PTPRG: variants seen among roughly 807,000 people sequenced by gnomAD.
PTPRG encodes receptor-type tyrosine-protein phosphatase gamma.
PTPRG carries 102 observed loss-of-function variants against 165.3 expected under a neutral mutation model. The ratio of observed to expected loss-of-function variants is 0.62; its 90% CI spans 0.53 to 0.73. PTPRG has a LOEUF of 0.73. Ranked by LOEUF, PTPRG falls within the 30% of genes least tolerant of loss-of-function variation. PTPRG has a pLI of 0.00. For synonymous variants in PTPRG, 675 were observed against 669.5 expected, an observed-to-expected ratio of 1.01 and a Z score of -0.13; for missense variants, 1,866 against 1,861.4, an observed-to-expected ratio of 1.00 and a Z score of -0.05.
intron 4 of PTPRG, among the ~76,000 whole-genome samples, chr3:62,056,651 G>A (rs1168025741): frequency 6.6e-6 from 1 of 152,160 alleles, no homozygotes; most frequent in Admixed American, 6.5e-5. Context: ...ATAGATGCCA[G>A]TGGCACCCCT....
In PTPRG at chr3:61,923,859, C is replaced by T. The variant is rs561862995; in HGVS notation, c.191-65766C>T. The stretch of plus-strand genomic sequence containing the variant: ...CTTTGTTGGTTTTTCTATCACTATG[C>T]TATTATGCTATAAAATATAGTAAAG... On this transcript the variant is annotated intron_variant, in intron 2 of 29. Transcript: ENST00000474889. Among the ~76,000 whole-genome samples the T allele has an allele frequency of 5.3e-5, 8 of 151,754 alleles. 1 individual carries two copies. In the East Asian group the frequency reaches 1.6e-3, roughly 29 times the overall value.
intron 5 of PTPRG, among the ~76,000 whole-genome samples, chr3:62,121,115 T>G (rs1703053658): frequency 6.6e-6 from 1 of 151,442 alleles, no homozygotes; most frequent in South Asian, 2.1e-4. Flanking sequence ...GGCTAATTTT[T>G]TTTTTTTTTT....
chr3:62,094,054 C>T (rs1702030430), intron 5 of PTPRG, among the ~76,000 whole-genome samples: 1 of 152,168 alleles, frequency 6.6e-6, no homozygotes, highest in African/African-American at 2.4e-5. Context: ...TGCTTTGATG[C>T]CTCAAACCTG....
intron 2 of PTPRG, among the ~76,000 whole-genome samples, chr3:61,927,343 G>T (rs1304221562): frequency 2.0e-5 from 3 of 152,216 alleles, no homozygotes; most frequent in Admixed American, 6.5e-5. Flanking sequence ...AGTCTTCTTT[G>T]TGTGACATTT....
chr3:62,272,719 T>A (rs1381404786), intron 21 of PTPRG, among the ~76,000 whole-genome samples: 1 of 152,084 alleles, frequency 6.6e-6, no homozygotes, highest in African/African-American at 2.4e-5. Flanking sequence ...ACATCTGTAA[T>A]CCCAGCTACT....
chr3:61,603,616 A>G (rs1480522190), intron 1 of PTPRG, among the ~76,000 whole-genome samples: 2 of 152,166 alleles, frequency 1.3e-5, no homozygotes, highest in East Asian at 3.9e-4. Context: ...AAAAGAAGGA[A>G]ATTTATTGCC....
intron 10 of PTPRG, among the ~76,000 whole-genome samples, chr3:62,196,179 G>T (rs1699958094): frequency 6.7e-6 from 1 of 148,480 alleles, no homozygotes; most frequent in Non-Finnish European, 1.5e-5. Flanking sequence ...GGTAGATCAG[G>T]AGATCAGTTC....
At chr3:62,286,979 G>A (rs534876860) in intron 28 of PTPRG, among the ~76,000 whole-genome samples, 67 of 152,078 alleles carry the variant, frequency 4.4e-4, no homozygotes, top group African/African-American at 1.6e-3. Flanking sequence ...TTTGACTTGC[G>A]AGTTTCTTGT....
chr3:62,223,265 G>A (rs1700689406), intron 13 of PTPRG, among the ~76,000 whole-genome samples: 5 of 152,154 alleles, frequency 3.3e-5, no homozygotes. Flanking sequence ...TCTAGAGACT[G>A]TAACACGGGC....
At chr3:62,012,197 A>G (rs2041440025) in intron 4 of PTPRG, among the ~76,000 whole-genome samples, 1 of 152,196 alleles carries the variant, frequency 6.6e-6, no homozygotes, top group Admixed American at 6.5e-5. Context: ...TCTTATACCC[A>G]TCTTAAAGAT....
intron 4 of PTPRG, among the ~76,000 whole-genome samples, chr3:62,017,135 A>G (rs756528794): frequency 4.6e-5 from 7 of 152,208 alleles, no homozygotes; most frequent in Admixed American, 1.3e-4. Flanking sequence ...ACATAGTCCC[A>G]TAACAGCGTA....
At chr3:62,174,002 A>T (rs566950166) in intron 8 of PTPRG, among the ~76,000 whole-genome samples, 1 of 152,352 alleles carries the variant, frequency 6.6e-6, no homozygotes, top group Non-Finnish European at 1.5e-5. Context: ...GTTGCAGTAA[A>T]TGGAAACAAT....
intron 2 of PTPRG, among the ~76,000 whole-genome samples, chr3:61,986,883 A>G (rs1409988782): frequency 6.6e-6 from 1 of 152,056 alleles, no homozygotes; most frequent in Non-Finnish European, 1.5e-5. Context: ...TCTCTTCCCA[A>G]CTAGGTTTAA....
At chr3:61,877,306 C>T (rs904904393) in intron 2 of PTPRG, among the ~76,000 whole-genome samples, 6 of 152,092 alleles carry the variant, frequency 3.9e-5, no homozygotes, top group South Asian at 2.1e-4. Flanking sequence ...GTATTAAGAA[C>T]GTGGATGTTC....
At chr3:61,694,541 G>C (rs550541036) in intron 1 of PTPRG, among the ~76,000 whole-genome samples, 2 of 152,244 alleles carry the variant, frequency 1.3e-5, no homozygotes, top group African/African-American at 4.8e-5. Flanking sequence ...TTCTGACTCA[G>C]TGATCCCACT....
At chr3:61,847,632 T>A (rs908743860) in intron 2 of PTPRG, among the ~76,000 whole-genome samples, 1 of 152,198 alleles carries the variant, frequency 6.6e-6, no homozygotes, top group African/African-American at 2.4e-5. Context: ...CTTCGGGGAT[T>A]CCAGGTTGCT....
chr3:62,160,013 A>T (rs1032395526), intron 7 of PTPRG, among the ~76,000 whole-genome samples: 3 of 152,230 alleles, frequency 2.0e-5, no homozygotes, highest in African/African-American at 7.2e-5. Flanking sequence ...AGAAAGGCGA[A>T]CAGCCAATTC....
At position 62,195,247 on chromosome 3, in the gene PTPRG, G is replaced by A; in HGVS notation, c.1327+77G>A. The A allele has an allele frequency of 3.9e-6, 5 of 1,297,008 alleles. No homozygotes were observed. The highest frequency in any genetic ancestry group is 4.5e-6 in the Non-Finnish European group (4 of 895,284). 80.3% of individuals were successfully genotyped at this position (1,297,008 alleles called of 1,614,324 possible). A position where few individuals can be genotyped will look rare whatever the true frequency, so the allele number is the denominator to read the frequency against. On this transcript the variant is annotated intron_variant, in intron 10 of 29. Transcript: ENST00000474889. This position sits in a 1 kb window ranked among gnomAD's most constrained non-coding sequence, Gnocchi z 4.4. ...AATGCTTTCTGCTTCTTCCTGCTCAGGTGCTGGGGAAAAATACAAACAAGC... is the reference window on the plus strand; with the variant it reads ...AATGCTTTCTGCTTCTTCCTGCTCAAGTGCTGGGGAAAAATACAAACAAGC...
At chr3:61,563,186 T>C (rs987123687) in intron 1 of PTPRG, among the ~76,000 whole-genome samples, 2 of 151,980 alleles carry the variant, frequency 1.3e-5, no homozygotes, top group African/African-American at 4.8e-5. Flanking sequence ...GGGTTGCTGT[T>C]CGCGCCGGGG....
Sources: allele counts gnomAD v4.1 joint callset (sites outside exome capture counted in the v4.1 genomes callset), GRCh38; gene constraint gnomAD v4.1.1; non-coding constraint Gnocchi (gnomAD v3.1); transcripts MANE v1.5; gene names NCBI Gene and HGNC (gene_info 2026-07-23, HGNC 2026-07-21).